Variants in CTNND2 observed in about 807,000 individuals in gnomAD.
CTNND2 encodes the protein catenin delta 2.
A neutral mutation model predicts 144.4 loss-of-function variants in CTNND2; 22 were observed. That is an observed-to-expected ratio of 0.15 (90% CI 0.11 to 0.22). The LOEUF (loss-of-function observed/expected upper bound fraction) is 0.22, where lower values mean the gene tolerates loss of function less well. CTNND2 is among the 10% of genes least tolerant of loss of function. CTNND2 has a pLI of 1.00. For synonymous variants in CTNND2, 751 were observed against 695.6 expected, an observed-to-expected ratio of 1.08 and a Z score of -1.25; for missense variants, 1,353 against 1,618.8, an observed-to-expected ratio of 0.84 and a Z score of 2.82.
intron 18 of CTNND2, among the ~76,000 whole-genome samples, chr5:10,994,318 GCGGGGATGGAGGAGCGGGGGC>G (rs1395402438): frequency 7.1e-5 from 3 of 42,166 alleles, no homozygotes; most frequent in Non-Finnish European, 1.5e-4. Context: ...GAGGAAGGGG[GCGGGGATGGAGGAGCGGGGGC>G]CGGGGAAGGA....
Position 11,321,874 on chromosome 5 carries a change from C to T in CTNND2, c.1628+24498G>A, listed in dbSNP as rs985129449. Among the ~76,000 whole-genome samples the T allele has an allele frequency of 1.9e-4, 29 of 152,068 alleles. 1 individual carries two copies. The highest frequency in any genetic ancestry group is 2.9e-5 in the Non-Finnish European group (2 of 68,022). ...TGATTCTAAAGCAGAGGTGAGCTTC[C>T]TAAAGCTTAACCCTATCTCCCCACT... On this transcript the variant is annotated intron_variant, in intron 9 of 21. Transcript: ENST00000304623.
At chr5:11,448,581 C>T (rs573757323) in intron 3 of CTNND2, among the ~76,000 whole-genome samples, 83 of 152,236 alleles carry the variant, frequency 5.5e-4, no homozygotes, top group Non-Finnish European at 1.0e-3. Context: ...TATACCAATA[C>T]AAGCAAAAGA....
intron 15 of CTNND2, among the ~76,000 whole-genome samples, chr5:11,090,538 AAACCCTATTGTGAACTGTGCATGTG>A (rs1397874506): frequency 6.6e-6 from 1 of 152,196 alleles, no homozygotes; most frequent in Non-Finnish European, 1.5e-5. Flanking sequence ...ATAGGAGCAC[AAACCCTATTGTGAACTGTGCATGTG>A]AGGGATCTAG....
intron 18 of CTNND2, among the ~76,000 whole-genome samples, chr5:11,001,524 TG>T (rs1739961695): frequency 6.7e-6 from 1 of 148,734 alleles, no homozygotes; most frequent in Non-Finnish European, 1.5e-5. Flanking sequence ...TGATTTAAGA[TG>T]ACAGTATTAA....
At chr5:11,452,018 T>G (rs1581227127) in intron 3 of CTNND2, among the ~76,000 whole-genome samples, 1 of 152,194 alleles carries the variant, frequency 6.6e-6, no homozygotes, top group East Asian at 1.9e-4. Context: ...ACAAGAATCA[T>G]CCAAGGCATA....
intron 3 of CTNND2, among the ~76,000 whole-genome samples, chr5:11,497,519 TGGGGGG>T (rs1234235644): frequency 2.2e-4 from 3 of 13,746 alleles, no homozygotes; most frequent in Non-Finnish European, 4.7e-4. Flanking sequence ...TGCGGGGGGG[TGGGGGG>T]GGGCAATATG....
At chr5:11,476,571 TC>T (rs1214109074) in intron 3 of CTNND2, among the ~76,000 whole-genome samples, 1 of 152,202 alleles carries the variant, frequency 6.6e-6, no homozygotes, top group East Asian at 1.9e-4. Context: ...CTAACAATCT[TC>T]CCCATACAAT....
intron 1 of CTNND2, among the ~76,000 whole-genome samples, chr5:11,868,493 C>G (rs1188631226): frequency 2.6e-5 from 4 of 152,096 alleles, no homozygotes; most frequent in Non-Finnish European, 5.9e-5. Flanking sequence ...GTATCCAACT[C>G]AACAAGAAGA....
intron 11 of CTNND2, among the ~76,000 whole-genome samples, chr5:11,170,627 A>G (rs1009205484): frequency 6.6e-6 from 1 of 152,102 alleles, no homozygotes; most frequent in Non-Finnish European, 1.5e-5. Context: ...TGTGGGAAGC[A>G]TGGAAGAAAC....
chr5:11,637,965 C>G (rs1327756245), intron 2 of CTNND2, among the ~76,000 whole-genome samples: 1 of 152,114 alleles, frequency 6.6e-6, no homozygotes, highest in East Asian at 1.9e-4. Context: ...TCAGTAAAAT[C>G]TAATGTAAAG....
At chr5:11,851,215 T>C (rs145644677) in intron 1 of CTNND2, among the ~76,000 whole-genome samples, 9 of 152,198 alleles carry the variant, frequency 5.9e-5, no homozygotes, top group Admixed American at 5.9e-4. Flanking sequence ...CCCATAGCTA[T>C]ATGAGCCAAT....
At chr5:11,846,128 G>A (rs1412492023) in intron 1 of CTNND2, among the ~76,000 whole-genome samples, 3 of 152,026 alleles carry the variant, frequency 2.0e-5, no homozygotes, top group Non-Finnish European at 2.9e-5. Context: ...ATCCAAACCA[G>A]AAATAGGTAT....
At chr5:11,417,110 G>T (rs536724877) in intron 3 of CTNND2, among the ~76,000 whole-genome samples, 1 of 152,278 alleles carries the variant, frequency 6.6e-6, no homozygotes, top group East Asian at 1.9e-4. Flanking sequence ...TAGTCTAACT[G>T]ATTTGTAGTT....
intron 10 of CTNND2, among the ~76,000 whole-genome samples, chr5:11,201,517 T>A (rs1429731726): frequency 6.6e-6 from 1 of 152,218 alleles, no homozygotes; most frequent in African/African-American, 2.4e-5. Flanking sequence ...CAGGGTGGCC[T>A]CTGATGATTC....
At chr5:11,446,366 G>A (rs986338452) in intron 3 of CTNND2, among the ~76,000 whole-genome samples, 2 of 152,194 alleles carry the variant, frequency 1.3e-5, no homozygotes, top group African/African-American at 4.8e-5. Flanking sequence ...CGGTTCATGG[G>A]AGGGTCGGGA....
At chr5:11,206,838 T>C (rs921650290) in intron 10 of CTNND2, among the ~76,000 whole-genome samples, 13 of 152,114 alleles carry the variant, frequency 8.5e-5, no homozygotes, top group Non-Finnish European at 1.5e-4. Flanking sequence ...GTGTGGTGAG[T>C]GCAGGGTGGA....
chr5:11,616,505 C>T lies in CTNND2; in HGVS notation c.175-51449G>A, dbSNP rs951793677. 4.6e-5 allele frequency among the ~76,000 whole-genome samples: 7 copies of T among 152,004 alleles called. No individual in the cohort carries two copies. The East Asian group carries it at 5.8e-4, about 13-fold the overall frequency. ...GGTGTTAATAATATTCTAATTTCTA[C>T]CTGTTTTTCCTTCCTTCCTTGCTTC... On this transcript the variant is annotated intron_variant, in intron 2 of 21. Coordinates refer to ENST00000304623, the MANE Select transcript of CTNND2 (RefSeq NM_001332.4).
intron 3 of CTNND2, among the ~76,000 whole-genome samples, chr5:11,436,720 C>T (rs1297218358): frequency 6.6e-6 from 1 of 152,186 alleles, no homozygotes; most frequent in Non-Finnish European, 1.5e-5. Flanking sequence ...AAATTTCACC[C>T]AGGATATTTG....
chr5:11,213,110 G>T (rs1738806934), intron 10 of CTNND2, among the ~76,000 whole-genome samples: 1 of 152,164 alleles, frequency 6.6e-6, no homozygotes, highest in African/African-American at 2.4e-5. Flanking sequence ...ACACACAGGG[G>T]TTTCTACATC....
Sources: gnomAD v4.1 joint callset for allele counts (sites outside exome capture counted in the v4.1 genomes callset) on GRCh38, gnomAD v4.1.1 for gene constraint, MANE v1.5 for transcripts, NCBI Gene and HGNC (gene_info 2026-07-23, HGNC 2026-07-21) for gene names.